NKAIN2: variants seen among roughly 807,000 people sequenced by gnomAD.
NKAIN2 encodes the protein sodium/potassium transporting ATPase interacting 2, also known as sodium/potassium-transporting ATPase subunit beta-1-interacting protein 2.
Under a neutral mutation model 32.6 loss-of-function variants are expected in NKAIN2, and 14 were observed. The ratio of observed to expected loss-of-function variants is 0.43; its 90% CI spans 0.28 to 0.67. The LOEUF (loss-of-function observed/expected upper bound fraction) is 0.67, where lower values mean the gene tolerates loss of function less well. NKAIN2 is among the 30% of genes least tolerant of loss of function. NKAIN2 has a pLI of 0.17. For synonymous variants in NKAIN2, 80 were observed against 87.2 expected (o/e 0.92, Z 0.46); for missense variants, 198 against 258.3 (o/e 0.77, Z 1.60).
Position 124,791,367 on chromosome 6 carries a change from T to C in NKAIN2, c.503T>C (p.Val168Ala), listed in dbSNP as rs1779735435. 6.2e-7 allele frequency: 1 copy of C among 1,609,762 alleles called. No homozygotes were observed. The highest frequency in any genetic ancestry group is 1.3e-5 in the African/African-American group (1 of 74,816). The change falls in exon 5 of 7, where the codon GTT (valine) becomes GCT (alanine). Residue 168 changes from valine to alanine, a missense_variant. Coordinates refer to ENST00000368417, the MANE Select transcript of NKAIN2 (RefSeq NM_001040214.3). ...GCAGGTTTCATCTACGCCTGTTATG[T>C]TGTGAAATGTATAACTGAAGAAGAG... is the stretch of plus-strand genomic sequence containing the variant. The part of the protein sequence containing the change: ...ALAGFIYACY[V>A]VKCITEEEDS...
In NKAIN2 at chr6:124,774,821, A is replaced by G. The variant is rs150462349; in HGVS notation, c.475-16518A>G. On this transcript the variant is annotated intron_variant, in intron 4 of 6. Transcript: ENST00000368417. ...CAGTGAGCCAAGATCACACCATTGT[A>G]CTCCAGCATGGGCTAGAAGAGCAAA... Among the ~76,000 whole-genome samples the G allele has an allele frequency of 7.5e-4, 111 of 147,092 alleles. 1 individual carries two copies. The East Asian group carries it at 0.02, about 26-fold the overall frequency.
At chr6:123,942,102 T>G (rs971704272) in intron 1 of NKAIN2, among the ~76,000 whole-genome samples, 2 of 152,128 alleles carry the variant, frequency 1.3e-5, no homozygotes, top group African/African-American at 4.8e-5. Context: ...TTTTACGTAT[T>G]GCTGATGAGT....
At chr6:123,844,131 G>A (rs1774998229) in intron 1 of NKAIN2, among the ~76,000 whole-genome samples, 1 of 152,118 alleles carries the variant, frequency 6.6e-6, no homozygotes, top group Non-Finnish European at 1.5e-5. Flanking sequence ...AGAAGCTTTG[G>A]TTCTCCTTTA....
At position 124,797,770 on chromosome 6, in the gene NKAIN2, C is replaced by A. The variant is rs185792482; in HGVS notation, c.535+6371C>A. Among the ~76,000 whole-genome samples, 65 of 152,184 alleles carry A rather than the reference C, an allele frequency of 4.3e-4. 1 individual carries two copies. The highest frequency in any genetic ancestry group is 3.1e-3 in the Admixed American group (48 of 15,274). ...AGGATCATTGGATTTGAATGCAGTT[C>A]TTTGAGCACAATCGCGTACTCTCAA... On this transcript the variant is annotated intron_variant, in intron 5 of 6. Transcript: ENST00000368417.
intron 1 of NKAIN2, among the ~76,000 whole-genome samples, chr6:123,852,201 G>A (rs115255383): frequency 1.4e-3 from 215 of 152,222 alleles, no homozygotes; most frequent in African/African-American, 4.9e-3. Flanking sequence ...TTATTGAAGC[G>A]ACAACATGAT....
intron 3 of NKAIN2, among the ~76,000 whole-genome samples, chr6:124,562,520 T>C (rs1562258069): frequency 6.6e-6 from 1 of 152,198 alleles, no homozygotes; most frequent in Non-Finnish European, 1.5e-5. Flanking sequence ...GTCTTGAAAA[T>C]TATTAAGGTT....
At chr6:124,821,863 G>C (rs1781407658) in intron 6 of NKAIN2, among the ~76,000 whole-genome samples, 1 of 152,132 alleles carries the variant, frequency 6.6e-6, no homozygotes, top group Admixed American at 6.5e-5. Context: ...TTATTTTACA[G>C]ACGAGGAAAC....
At chr6:124,121,107 C>T (rs906078315) in intron 1 of NKAIN2, among the ~76,000 whole-genome samples, 8 of 152,012 alleles carry the variant, frequency 5.3e-5, no homozygotes, top group African/African-American at 1.9e-4. Context: ...GAAATTTAAC[C>T]GTGGTTAGTA....
chr6:124,537,025 A>G (rs969359504), intron 3 of NKAIN2, among the ~76,000 whole-genome samples: 3 of 152,132 alleles, frequency 2.0e-5, no homozygotes, highest in African/African-American at 7.2e-5. Flanking sequence ...GCTGCCTGCC[A>G]CCCTGTGACC....
In NKAIN2 at chr6:124,618,518, T is replaced by G. The variant is rs1782990733; in HGVS notation, c.274-39668T>G. On this transcript the variant is annotated intron_variant, in intron 3 of 6. Coordinates refer to ENST00000368417, the MANE Select transcript of NKAIN2 (RefSeq NM_001040214.3). ...AAATAAATAAAAATTCTGTTTTGCA[T>G]TTTTCTACAAATGACTTTCTTACAT... Among the ~76,000 whole-genome samples, 3 of 152,278 alleles carry G rather than the reference T, an allele frequency of 2.0e-5. No individual in the cohort carries two copies. The South Asian group carries it at 6.2e-4, about 32-fold the overall frequency.
At chr6:124,358,952 A>C (rs12216132) in intron 3 of NKAIN2, among the ~76,000 whole-genome samples, 21,980 of 150,444 alleles carry the variant, frequency 0.15, 1,903 homozygotes, top group Admixed American at 0.26. Flanking sequence ...TTTTTGTATA[A>C]GGTGTAAGGA....
At chr6:124,792,759 A>T (rs1277878081) in intron 5 of NKAIN2, among the ~76,000 whole-genome samples, 2 of 152,122 alleles carry the variant, frequency 1.3e-5, no homozygotes, top group African/African-American at 4.8e-5. Context: ...GTGAAAAAGC[A>T]TATCACGGCC....
At chr6:124,205,297 C>G (rs1045978474) in intron 1 of NKAIN2, among the ~76,000 whole-genome samples, 5 of 151,752 alleles carry the variant, frequency 3.3e-5, no homozygotes, top group Non-Finnish European at 5.9e-5. Context: ...ATTATATAAG[C>G]TAATTTTAAA....
chr6:124,169,409 C>G (rs529822297), intron 1 of NKAIN2, among the ~76,000 whole-genome samples: 1 of 152,146 alleles, frequency 6.6e-6, no homozygotes, highest in African/African-American at 2.4e-5. Context: ...TTAAAAATGC[C>G]AAGCAGTGGG....
chr6:124,066,332 T>G (rs1421626028), intron 1 of NKAIN2, among the ~76,000 whole-genome samples: 1 of 152,190 alleles, frequency 6.6e-6, no homozygotes, highest in East Asian at 1.9e-4. Flanking sequence ...TATCAAGCAT[T>G]GCACCCATTT....
intron 3 of NKAIN2, among the ~76,000 whole-genome samples, chr6:124,596,661 AGGGTGTGTGT>A (rs781420110): frequency 3.0e-4 from 25 of 82,958 alleles, no homozygotes; most frequent in African/African-American, 8.9e-4. Context: ...AATAAACCAT[AGGGTGTGTGT>A]GTGTGTGTGT....
chr6:124,466,304 T>C (rs1776753002), intron 3 of NKAIN2, among the ~76,000 whole-genome samples: 1 of 152,134 alleles, frequency 6.6e-6, no homozygotes, highest in Non-Finnish European at 1.5e-5. Flanking sequence ...AGCAAAGCAT[T>C]GAAAACTGAA....
intron 1 of NKAIN2, among the ~76,000 whole-genome samples, chr6:124,000,061 T>C (rs1323319194): frequency 6.6e-6 from 1 of 152,100 alleles, no homozygotes; most frequent in Admixed American, 6.6e-5. Flanking sequence ...TAAAATGTAT[T>C]TCTAGAAACC....
At chr6:124,334,669 A>T (rs1279042065) in intron 2 of NKAIN2, among the ~76,000 whole-genome samples, 1 of 152,132 alleles carries the variant, frequency 6.6e-6, no homozygotes, top group East Asian at 1.9e-4. Flanking sequence ...TTATAATACT[A>T]ATGTTATCTA....
Sources: allele counts gnomAD v4.1 joint callset (sites outside exome capture counted in the v4.1 genomes callset), GRCh38; gene constraint gnomAD v4.1.1; transcripts MANE v1.5; gene names NCBI Gene and HGNC (gene_info 2026-07-23, HGNC 2026-07-21).